The following SLC35F4 variants were observed in gnomAD, a reference collection of about 807,000 sequenced individuals.
The protein encoded by SLC35F4 is chromosome 14 open reading frame 36.
SLC35F4 carries 24 observed loss-of-function variants against 44.2 expected under a neutral mutation model. That is an observed-to-expected ratio of 0.54 (90% CI 0.39 to 0.76). The LOEUF (loss-of-function observed/expected upper bound fraction) is 0.76. Among genes scored for constraint, SLC35F4 ranks in the 30% least tolerant of loss-of-function variants. The probability of loss-of-function intolerance (pLI) is 0.00; values close to 1 mark genes in which losing one functional copy is unlikely to be tolerated. For missense variants in SLC35F4, 562 were observed against 586.1 expected (o/e 0.96, Z 0.42); for synonymous variants, 238 against 223.6 (o/e 1.06, Z -0.57).
intron 1 of SLC35F4, among the ~76,000 whole-genome samples, chr14:57,723,789 T>C (rs2076140820): frequency 6.6e-6 from 1 of 152,224 alleles, no homozygotes; most frequent in South Asian, 2.1e-4. Flanking sequence ...TCCTTTTTGC[T>C]TCCACAAGAT....
At chr14:57,856,697 T>A (rs540994804) in intron 1 of SLC35F4, among the ~76,000 whole-genome samples, 2 of 152,174 alleles carry the variant, frequency 1.3e-5, no homozygotes, top group African/African-American at 4.8e-5. Context: ...TTAATGGTAC[T>A]TATTTGTTAC....
At chr14:57,640,875 C>A (rs1234272649) in intron 1 of SLC35F4, among the ~76,000 whole-genome samples, 1 of 151,898 alleles carries the variant, frequency 6.6e-6, no homozygotes, top group Non-Finnish European at 1.5e-5. Flanking sequence ...AAAAATAGAA[C>A]TCATATAGAT....
intron 1 of SLC35F4, among the ~76,000 whole-genome samples, chr14:57,822,718 G>T (rs1317420353): frequency 1.3e-5 from 2 of 152,140 alleles, no homozygotes; most frequent in Non-Finnish European, 2.9e-5. Context: ...CTAGGGTTCT[G>T]ATTATCTATT....
chr14:57,975,556 G>A (rs1306401637), downstream of SLC35F4, among the ~76,000 whole-genome samples: 2 of 152,190 alleles, frequency 1.3e-5, no homozygotes, highest in African/African-American at 4.8e-5. Flanking sequence ...TGGAGATGTT[G>A]GCACTGCTTT....
At chr14:57,658,037 C>A (rs1047945826) in intron 1 of SLC35F4, among the ~76,000 whole-genome samples, 3 of 152,134 alleles carry the variant, frequency 2.0e-5, no homozygotes, top group Non-Finnish European at 4.4e-5. Flanking sequence ...GACACATAGT[C>A]AACACCCAAT....
intron 1 of SLC35F4, among the ~76,000 whole-genome samples, chr14:57,923,347 C>T (rs760550828): frequency 1.4e-4 from 22 of 152,194 alleles, no homozygotes; most frequent in Non-Finnish European, 2.9e-5. Flanking sequence ...TGTAGACTGA[C>T]TATTCTTCAG....
chr14:57,618,866 C>A (rs2140083151), intron 1 of SLC35F4, among the ~76,000 whole-genome samples: 1 of 152,266 alleles, frequency 6.6e-6, no homozygotes, highest in South Asian at 2.1e-4. Flanking sequence ...GAGGGGCGTC[C>A]ACCATTGCTG....
rs760534927 is a variant in SLC35F4 at position 57,593,907 on chromosome 14, T to A, written c.289+32A>T. The A allele has an allele frequency of 5.6e-6, 9 of 1,607,858 alleles. No homozygotes were observed. The South Asian group carries it at 1.0e-4, about 18-fold the overall frequency. On this transcript the variant is annotated intron_variant, in intron 2 of 7. Coordinates refer to ENST00000556826, the MANE Select transcript of SLC35F4 (RefSeq NM_001306087.2). Reference sequence around the variant, plus strand: ...TTCTATTTAGAAGCTTACTAGGATGTACCGTTATTTAAGAGGAGGTCACCC... The same window carrying A: ...TTCTATTTAGAAGCTTACTAGGATGAACCGTTATTTAAGAGGAGGTCACCC...
At chr14:57,966,526 T>A (rs1890441398) in intron 1 of SLC35F4, among the ~76,000 whole-genome samples, 2 of 152,124 alleles carry the variant, frequency 1.3e-5, no homozygotes. Context: ...TGTGAATAAA[T>A]ACAGTATAAA....
chr14:57,964,794 G>A (rs1890404033), intron 1 of SLC35F4, among the ~76,000 whole-genome samples: 1 of 151,924 alleles, frequency 6.6e-6, no homozygotes, highest in Non-Finnish European at 1.5e-5. Context: ...ATTGGTGAGA[G>A]GGGGCAGAGG....
intron 1 of SLC35F4, among the ~76,000 whole-genome samples, chr14:57,757,176 C>T (rs1261570934): frequency 2.0e-5 from 3 of 152,056 alleles, no homozygotes; most frequent in Admixed American, 6.6e-5. Context: ...TTACTCTTTG[C>T]GCTGAAATTT....
intron 1 of SLC35F4, among the ~76,000 whole-genome samples, chr14:57,673,288 G>T (rs555844087): frequency 6.6e-6 from 1 of 152,230 alleles, no homozygotes; most frequent in Admixed American, 6.5e-5. Flanking sequence ...CTATTGAAGA[G>T]TGTAGTAGTG....
At chr14:57,883,475 A>G (rs1039590248) in intron 1 of SLC35F4, among the ~76,000 whole-genome samples, 1 of 152,240 alleles carries the variant, frequency 6.6e-6, no homozygotes, top group African/African-American at 2.4e-5. Flanking sequence ...CAAATGAAGT[A>G]CTATCATCCT....
At chr14:57,601,752 C>T (rs189431535) in intron 1 of SLC35F4, among the ~76,000 whole-genome samples, 11 of 152,224 alleles carry the variant, frequency 7.2e-5, no homozygotes, top group African/African-American at 2.6e-4. Flanking sequence ...TCACTGCTAC[C>T]TATTTTTACA....
rs114983451 is a variant in SLC35F4 at position 57,736,993 on chromosome 14, A to T, written c.103+128730T>A. On this transcript the variant is annotated intron_variant, in intron 1 of 7. Transcript: ENST00000556826. Reference sequence around the variant, plus strand: ...TGATTAGTATCTTTCTTCTTAAAGGATTTTATGCAAGATATCTCAAGGGGT... The same window carrying T: ...TGATTAGTATCTTTCTTCTTAAAGGTTTTTATGCAAGATATCTCAAGGGGT... Among the ~76,000 whole-genome samples, 1,008 of 151,910 alleles carry T rather than the reference A, an allele frequency of 6.6e-3. 14 individuals are homozygous for T. The highest frequency in any genetic ancestry group is 0.023 in the African/African-American group (951 of 41,410).
At chr14:57,628,298 T>C (rs2072576939) in intron 1 of SLC35F4, among the ~76,000 whole-genome samples, 1 of 147,116 alleles carries the variant, frequency 6.8e-6, no homozygotes, top group South Asian at 2.2e-4. Context: ...AGTATTGTTA[T>C]GTTTCCTTTT....
chr14:57,668,467 T>G lies in SLC35F4; in HGVS notation c.104-74343A>C, dbSNP rs776785950. Among the ~76,000 whole-genome samples the G allele has an allele frequency of 7.5e-3, 1,147 of 152,234 alleles. 6 individuals carry two copies. The highest frequency in any genetic ancestry group is 0.014 in the Middle Eastern group (4 of 294). Reference sequence around the variant, plus strand: ...TCTAGGGTTTTTATGGTTTTAGGTCTAACATTTAAGTCTTTAATCCATCTT... The same window carrying G: ...TCTAGGGTTTTTATGGTTTTAGGTCGAACATTTAAGTCTTTAATCCATCTT... On this transcript the variant is annotated intron_variant, in intron 1 of 7. Transcript: ENST00000556826.
At chr14:57,745,529 A>G (rs1014932912) in intron 1 of SLC35F4, among the ~76,000 whole-genome samples, 11 of 152,204 alleles carry the variant, frequency 7.2e-5, no homozygotes, top group South Asian at 2.1e-4. Context: ...CAAAACCACA[A>G]TGAGATTCCA....
At chr14:57,963,897 AT>A (rs1890384977) in intron 1 of SLC35F4, among the ~76,000 whole-genome samples, 1 of 151,032 alleles carries the variant, frequency 6.6e-6, no homozygotes, top group Non-Finnish European at 1.5e-5. Flanking sequence ...TAATTTTTTA[AT>A]TTTTTGCAGA....
Sources: allele counts gnomAD v4.1 joint callset (sites outside exome capture counted in the v4.1 genomes callset), GRCh38; gene constraint gnomAD v4.1.1; transcripts MANE v1.5; gene names NCBI Gene and HGNC (gene_info 2026-07-23, HGNC 2026-07-21).